ZBTB20: variants seen among roughly 807,000 people sequenced by gnomAD.
The protein encoded by ZBTB20 is zinc finger and BTB domain-containing protein 20.
A neutral mutation model predicts 56.9 loss-of-function variants in ZBTB20; 9 were observed. That is an observed-to-expected ratio of 0.16 (90% CI 0.10 to 0.28). The LOEUF is 0.28. ZBTB20 is among the 10% of genes least tolerant of loss of function. The pLI is 1.00. For synonymous variants in ZBTB20, 417 were observed against 420.7 expected (o/e 0.99, Z 0.11); for missense variants, 655 against 1,003.0 (o/e 0.65, Z 4.69).
chr3:115,116,855 A>G (rs1239188209), intron 1 of ZBTB20, among the ~76,000 whole-genome samples: 2 of 152,064 alleles, frequency 1.3e-5, no homozygotes, highest in African/African-American at 4.8e-5. Context: ...AAGGCTCCTA[A>G]TCATGCTGTA....
chr3:114,720,106 G>A (rs554053131), intron 5 of ZBTB20, among the ~76,000 whole-genome samples: 1 of 148,782 alleles, frequency 6.7e-6, no homozygotes, highest in Admixed American at 6.7e-5. Flanking sequence ...TATATATTGT[G>A]TATAATATGT....
chr3:114,433,834 A>C (rs1180775170), intron 7 of ZBTB20, among the ~76,000 whole-genome samples: 1 of 152,192 alleles, frequency 6.6e-6, no homozygotes, highest in Non-Finnish European at 1.5e-5. Context: ...ACCCCTCCAT[A>C]GACATACTGA....
At chr3:114,565,713 C>T (rs1213128394) in intron 6 of ZBTB20, among the ~76,000 whole-genome samples, 4 of 152,048 alleles carry the variant, frequency 2.6e-5, no homozygotes, top group Non-Finnish European at 5.9e-5. Context: ...CCAGTCACCA[C>T]GTAATTACCT....
intron 1 of ZBTB20, among the ~76,000 whole-genome samples, chr3:115,091,732 A>C (rs1297271429): frequency 1.3e-5 from 2 of 150,830 alleles, no homozygotes; most frequent in Non-Finnish European, 3.0e-5. Flanking sequence ...ATATATATAT[A>C]TACACGAGAA....
chr3:114,850,625 T>C (rs950335120), intron 4 of ZBTB20, among the ~76,000 whole-genome samples: 2 of 152,198 alleles, frequency 1.3e-5, no homozygotes, highest in Admixed American at 1.3e-4. Flanking sequence ...ATTATGTAAA[T>C]AAAGGGGCTA....
At chr3:114,686,887 C>T (rs1290122679) in intron 6 of ZBTB20, among the ~76,000 whole-genome samples, 3 of 152,096 alleles carry the variant, frequency 2.0e-5, no homozygotes, top group Non-Finnish European at 4.4e-5. Flanking sequence ...GATCAGTTTG[C>T]TAAAATGGCC....
chr3:114,426,967 G>A (rs995402644), intron 7 of ZBTB20, among the ~76,000 whole-genome samples: 1 of 152,056 alleles, frequency 6.6e-6, no homozygotes, highest in Non-Finnish European at 1.5e-5. Context: ...GTCCCATTTT[G>A]TTACTTTAAT....
intron 5 of ZBTB20, among the ~76,000 whole-genome samples, chr3:114,710,652 CAG>C (rs1004805207): frequency 6.6e-6 from 1 of 152,156 alleles, no homozygotes; most frequent in African/African-American, 2.4e-5. Context: ...TCAAGTTATG[CAG>C]AGTTGAACCA....
At chr3:114,531,104 A>G (rs1488002723) in intron 6 of ZBTB20, among the ~76,000 whole-genome samples, 1 of 152,176 alleles carries the variant, frequency 6.6e-6, no homozygotes, top group African/African-American at 2.4e-5. Context: ...TATTGCCTAT[A>G]GTATCCTGGG....
At chr3:114,358,447 T>G (rs1307830812) in intron 10 of ZBTB20, among the ~76,000 whole-genome samples, 1 of 152,206 alleles carries the variant, frequency 6.6e-6, no homozygotes, top group African/African-American at 2.4e-5. Flanking sequence ...GCTTTATACT[T>G]TATCTAAGGC....
At position 114,981,615 on chromosome 3, in the gene ZBTB20, G is replaced by A. The variant is rs145930167; in HGVS notation, c.-506-7199C>T. On this transcript the variant is annotated intron_variant, in intron 2 of 11. Coordinates refer to ENST00000675478, the MANE Select transcript of ZBTB20 (RefSeq NM_001348800.3). ...CCCATATTCAGGTTCTGTTCAAAGC[G>A]CTTTTATTTGTATTTACTTATTTAA... 3.5e-3 allele frequency among the ~76,000 whole-genome samples: 538 copies of A among 152,008 alleles called. 2 individuals are homozygous for A. The highest frequency in any genetic ancestry group is 6.0e-3 in the Non-Finnish European group (407 of 67,930).
intron 6 of ZBTB20, among the ~76,000 whole-genome samples, chr3:114,508,036 T>G (rs2044853531): frequency 6.6e-6 from 1 of 152,164 alleles, no homozygotes; most frequent in South Asian, 2.1e-4. Context: ...CTAAGAAATT[T>G]GCTGAATATT....
At chr3:114,780,030 A>C (rs1473283355) in intron 5 of ZBTB20, among the ~76,000 whole-genome samples, 1 of 152,226 alleles carries the variant, frequency 6.6e-6, no homozygotes, top group African/African-American at 2.4e-5. Flanking sequence ...AAAAATCTGT[A>C]ATGAATAAAA....
intron 2 of ZBTB20, among the ~76,000 whole-genome samples, chr3:115,012,005 G>T (rs1034916093): frequency 1.6e-4 from 25 of 151,772 alleles, no homozygotes; most frequent in African/African-American, 6.0e-4. Flanking sequence ...TAAAATAATT[G>T]CTTATAAGAT....
At chr3:114,766,556 G>C (rs927758743) in intron 5 of ZBTB20, among the ~76,000 whole-genome samples, 5 of 147,266 alleles carry the variant, frequency 3.4e-5, no homozygotes, top group Non-Finnish European at 6.0e-5. Context: ...ACTGCAGGTA[G>C]GTCAATGAAG....
intron 5 of ZBTB20, among the ~76,000 whole-genome samples, chr3:114,751,047 G>T (rs901228294): frequency 6.6e-6 from 1 of 151,968 alleles, no homozygotes; most frequent in African/African-American, 2.4e-5. Flanking sequence ...TTTTATGAGG[G>T]TATTTAAATA....
rs149286576 is a variant in ZBTB20, at chr3:114,351,793, G to A, written c.285C>T (p.Asn95=). 7 of 1,609,112 alleles carry A rather than the reference G, an allele frequency of 4.4e-6. No individual in the cohort carries two copies. The highest frequency in any genetic ancestry group is 1.3e-5 in the African/African-American group (1 of 74,874). ...NFSNSVLETL[N]EQRNRGHFCD... ...AGAAGTGGCCACGGTTGCGCTGCTCGTTGAGGGTCTCGAGCACGGAATTGC... is the reference window on the plus strand; with the variant it reads ...AGAAGTGGCCACGGTTGCGCTGCTCATTGAGGGTCTCGAGCACGGAATTGC... Residue 95 remains asparagine (N), a synonymous_variant, in exon 11 of 12, where the codon AAC becomes AAT. Transcript: ENST00000675478.
intron 6 of ZBTB20, among the ~76,000 whole-genome samples, chr3:114,510,939 T>C (rs756235809): frequency 6.6e-6 from 1 of 152,104 alleles, no homozygotes; most frequent in Non-Finnish European, 1.5e-5. Context: ...AGATTTATTT[T>C]TTCCAAAGGG....
intron 6 of ZBTB20, among the ~76,000 whole-genome samples, chr3:114,680,145 G>A (rs897366003): frequency 3.9e-5 from 6 of 152,092 alleles, no homozygotes; most frequent in East Asian, 1.9e-4. Context: ...GGGGGTCTAC[G>A]GCTAGGGGAG....
Sources: gnomAD v4.1 joint callset for allele counts (sites outside exome capture counted in the v4.1 genomes callset) on GRCh38, gnomAD v4.1.1 for gene constraint, MANE v1.5 for transcripts, NCBI Gene and HGNC (gene_info 2026-07-23, HGNC 2026-07-21) for gene names.